LRP1: variants seen among roughly 807,000 people sequenced by gnomAD.
The protein encoded by LRP1 is LDL receptor related protein 1.
A neutral mutation model predicts 541.5 loss-of-function variants in LRP1; 51 were observed. That is an observed-to-expected ratio of 0.09 (90% CI 0.08 to 0.12). The LOEUF (loss-of-function observed/expected upper bound fraction) is 0.12. Among genes scored for constraint, LRP1 ranks in the 10% least tolerant of loss-of-function variants. The pLI is 1.00. For synonymous variants in LRP1, 2,219 were observed against 2,470.8 expected (o/e 0.90, Z 3.02); for missense variants, 3,878 against 6,376.2 (o/e 0.61, Z 13.34).
intron 32 of LRP1, 59 bp from the exon 33 acceptor site, chr12:57,180,608 C>T (rs2136705035): frequency 6.2e-7 from 1 of 1,610,622 alleles, no homozygotes; most frequent in East Asian, 2.2e-5. Context: ...CCAATGGGCC[C>T]TTCAGGAGAG....
rs868047685 is a variant in LRP1, at chr12:57,165,746, A to C, written c.2531-59A>C. On this transcript the variant is annotated intron_variant, in intron 15 of 88. Transcript: ENST00000243077. This position sits in a 1 kb window ranked among gnomAD's most constrained non-coding sequence, Gnocchi z 4.5. ...CAAACAAAAATGGTGCAAAGGGCTT[A>C]GTACTTGTCCCACGACCGGGGTCTG... The C allele has an allele frequency of 1.3e-6, 2 of 1,571,080 alleles. No homozygotes were observed. Among genetic ancestry groups the C allele is most frequent in the Middle Eastern group, 3.4e-4 (2 of 5,912 alleles).
intron 10 of LRP1, among the ~76,000 whole-genome samples, 173 bp downstream of exon 10, chr12:57,157,093 T>A (rs558760968): frequency 6.6e-6 from 1 of 152,174 alleles, no homozygotes; most frequent in African/African-American, 2.4e-5. Flanking sequence ...TCGAAAAAAG[T>A]GCTTTTCTCA....
At chr12:57,153,318 C>G (rs1247143856) in intron 6 of LRP1, among the ~76,000 whole-genome samples, 1 of 152,136 alleles carries the variant, frequency 6.6e-6, no homozygotes. Context: ...TTCCGGCCAC[C>G]CTTGCCCTGC....
rs1592666616 is a variant in LRP1 at position 57,210,459 on chromosome 12, A to C, written c.12733A>C (p.Thr4245Pro). 6.5e-7 allele frequency: 1 copy of C among 1,535,938 alleles called. No homozygotes were observed. Reference sequence around the variant, plus strand: ...CTGGGAGCACTGTCGCAATGGGGGCACCTGTGCTGCCTCCCCCTCTGGTAT... The same window carrying C: ...CTGGGAGCACTGTCGCAATGGGGGCCCCTGTGCTGCCTCCCCCTCTGGTAT... ...QCWEHCRNGG[T>P]CAASPSGMPT... Residue 4245 changes from threonine (T) to proline (P), a missense_variant, in exon 82 of 89, where the codon ACC becomes CCC. Transcript: ENST00000243077.
At chr12:57,186,408 C>T (rs563967442) in intron 41 of LRP1, among the ~76,000 whole-genome samples, 1 of 152,348 alleles carries the variant, frequency 6.6e-6, no homozygotes, top group Middle Eastern at 3.4e-3. Context: ...GACAGCCTTT[C>T]AGCTCTTTGA....
chr12:57,177,619 C>T lies in LRP1; in HGVS notation c.4361+28C>T, dbSNP rs2136700925. The T allele has an allele frequency of 6.2e-7, 1 of 1,611,698 alleles. No individual in the cohort carries two copies. Among genetic ancestry groups the T allele is most frequent in the African/African-American group, 1.3e-5 (1 of 75,018 alleles). On this transcript the variant is annotated intron_variant, in intron 26 of 88. Coordinates refer to ENST00000243077, the MANE Select transcript of LRP1 (RefSeq NM_002332.3). This position sits in a 1 kb window ranked among gnomAD's most constrained non-coding sequence, Gnocchi z 6.8. ...CAGCACCCTCTGTGCCCTGAGAAGG[C>T]CCAAGTCTGTGGCACCAGGACGGGG...
chr12:57,204,733 T>C lies in LRP1; in HGVS notation c.11178T>C (p.Thr3726=), dbSNP rs140584308. The part of the protein sequence containing the change: ...CDGTDNCGDG[T]DEEDCEPPTA... ...GCACGGACAACTGTGGGGATGGGACTGATGAAGAGGACTGTGGTGAGCAGG... is the reference window on the plus strand; with the variant it reads ...GCACGGACAACTGTGGGGATGGGACCGATGAAGAGGACTGTGGTGAGCAGG... Residue 3726 remains threonine (T), a synonymous_variant, in exon 72 of 89, where the codon ACT becomes ACC. Coordinates refer to ENST00000243077, the MANE Select transcript of LRP1 (RefSeq NM_002332.3). The surrounding 1 kb of genome is among the most constrained non-coding windows in gnomAD (Gnocchi z 5.3). The C allele has an allele frequency of 5.0e-6, 8 of 1,613,846 alleles. No individual in the cohort carries two copies. In the African/African-American group the frequency reaches 6.7e-5, roughly 13 times the overall value.
Position 57,211,169 on chromosome 12 carries a change from A to T in LRP1, c.12917-7A>T. 1 of 1,613,076 alleles carries T rather than the reference A, an allele frequency of 6.2e-7. No individual in the cohort carries two copies. Among genetic ancestry groups the T allele is most frequent in the Non-Finnish European group, 8.5e-7 (1 of 1,179,166 alleles). On this transcript the variant is annotated splice_polypyrimidine_tract_variant and splice_region_variant and intron_variant, in intron 83 of 88. Coordinates refer to ENST00000243077, the MANE Select transcript of LRP1 (RefSeq NM_002332.3). This position sits in a 1 kb window ranked among gnomAD's most constrained non-coding sequence, Gnocchi z 4.3. ...CTTGAGGCACTTCTCTCCCTCCCCAACCACAGGGCAGTGCTCTGGCTACTG... is the reference window on the plus strand; with the variant it reads ...CTTGAGGCACTTCTCTCCCTCCCCATCCACAGGGCAGTGCTCTGGCTACTG...
chr12:57,141,527 C>A lies in LRP1; in HGVS notation c.328+16C>A, dbSNP rs776486941. ...CACTGCCGAGGTAAGGACTTTTCCA[C>A]TCTCTACTCTCCCGTCTGGATGCAG... On this transcript the variant is annotated intron_variant, in intron 3 of 88. Transcript: ENST00000243077. 5.6e-6 allele frequency: 9 copies of A among 1,614,154 alleles called. No individual in the cohort carries two copies. In the South Asian group the frequency reaches 9.9e-5, roughly 18 times the overall value.
Position 57,165,544 on chromosome 12 carries a change from T to C in LRP1, c.2531-261T>C, listed in dbSNP as rs979803192. 7.0e-6 allele frequency: 3 copies of C among 428,770 alleles called. No individual in the cohort carries two copies. The highest frequency in any genetic ancestry group is 1.3e-5 in the Non-Finnish European group (3 of 235,216). 26.6% of individuals were successfully genotyped at this position (428,770 alleles called of 1,614,324 possible). A position where few individuals can be genotyped will look rare whatever the true frequency, so the allele number is the denominator to read the frequency against. On this transcript the variant is annotated intron_variant, in intron 15 of 88. Coordinates refer to ENST00000243077, the MANE Select transcript of LRP1 (RefSeq NM_002332.3). This position sits in a 1 kb window ranked among gnomAD's most constrained non-coding sequence, Gnocchi z 4.5. ...GGTGGTGACAGAGGTATAGAGGCCA[T>C]GGGCTCTCTTGGACACCATTTGATT...
At chr12:57,150,357 A>G (rs1416903679) in intron 6 of LRP1, among the ~76,000 whole-genome samples, 1 of 151,786 alleles carries the variant, frequency 6.6e-6, no homozygotes, top group Non-Finnish European at 1.5e-5. Context: ...ACGCCTGGCT[A>G]ATTTTTTGTG....
In LRP1 at chr12:57,178,266, CT is replaced by C. The variant is rs1338210146; in HGVS notation, c.4362-92del. ...GGTCCCATGCTCTTCGCTGGGAGGG[CT>C]GTGGCCAGGGCCCAGAGGGTGGGCA... is the stretch of plus-strand genomic sequence containing the variant. On this transcript the variant is annotated intron_variant, in intron 26 of 88. Transcript: ENST00000243077. The surrounding 1 kb of genome is among the most constrained non-coding windows in gnomAD (Gnocchi z 5.8). The C allele has an allele frequency of 1.1e-5, 16 of 1,456,380 alleles. No individual in the cohort carries two copies. The highest frequency in any genetic ancestry group is 1.4e-5 in the Non-Finnish European group (15 of 1,066,720). 90.2% of individuals were successfully genotyped at this position (1,456,380 alleles called of 1,614,324 possible). A position where few individuals can be genotyped will look rare whatever the true frequency, so the allele number is the denominator to read the frequency against.
At position 57,184,368 on chromosome 12, in the gene LRP1, G is replaced by A; in HGVS notation, c.6102G>A (p.Glu2034=). The A allele has an allele frequency of 6.2e-7, 1 of 1,614,238 alleles. No homozygotes were observed. The highest frequency in any genetic ancestry group is 8.5e-7 in the Non-Finnish European group (1 of 1,180,050). ...AGTGGGGTCAGTATCCGCGTATTGA[G>A]CGGTCTCGGCTAGATGGCACGGAGC... ...WTEWGQYPRI[E]RSRLDGTERV... The change falls in exon 38 of 89, where the codon GAG becomes GAA. Residue 2034 remains glutamate, a synonymous_variant. Coordinates refer to ENST00000243077, the MANE Select transcript of LRP1 (RefSeq NM_002332.3). This position sits in a 1 kb window ranked among gnomAD's most constrained non-coding sequence, Gnocchi z 7.8.
chr12:57,149,065 C>T, intron 6 of LRP1: 1 of 588,938 alleles, frequency 1.7e-6, no homozygotes, highest in South Asian at 2.2e-5. Flanking sequence ...AGCAGTCCCT[C>T]TGAGTCTAAT....
chr12:57,208,164 A>G lies in LRP1; in HGVS notation c.11986A>G (p.Ile3996Val). ...GAAGGGCGAGAACCGCAAGACGCTCATCTCGGGCATGATTGACGAGCCCCA... is the reference window on the plus strand; with the variant it reads ...GAAGGGCGAGAACCGCAAGACGCTCGTCTCGGGCATGATTGACGAGCCCCA... The part of the protein sequence containing the change: ...QMKGENRKTL[I>V]SGMIDEPHAI... Residue 3996 changes from isoleucine to valine, a missense_variant, in exon 77 of 89, where the codon ATC becomes GTC. This residue lies in a region of LRP1 where 871 missense variants were observed against 1,212.4 expected (regional missense o/e 0.72). Transcript: ENST00000243077. 1 of 1,614,108 alleles carries G rather than the reference A, an allele frequency of 6.2e-7. No homozygotes were observed. The highest frequency in any genetic ancestry group is 8.5e-7 in the Non-Finnish European group (1 of 1,180,008).
chr12:57,139,765 C>T (rs557357913), intron 2 of LRP1, among the ~76,000 whole-genome samples: 15 of 152,310 alleles, frequency 9.8e-5, no homozygotes, highest in Non-Finnish European at 1.5e-4. Context: ...TGCAGAAACA[C>T]ACTCTATACT....
rs368660290 is a variant in LRP1, at chr12:57,193,558, A to G, written c.7685-8A>G. On this transcript the variant is annotated splice_polypyrimidine_tract_variant and splice_region_variant and intron_variant, in intron 46 of 88. Coordinates refer to ENST00000243077, the MANE Select transcript of LRP1 (RefSeq NM_002332.3). ...TGGCTGACACGCAGCCTACTCCTCC[A>G]TTTGCAGACTCCCGCCGCTGCAAGA... The G allele has an allele frequency of 7.4e-6, 12 of 1,612,936 alleles. No homozygotes were observed. The Admixed American group carries it at 8.3e-5, about 11-fold the overall frequency.
At chr12:57,163,333 C>G (rs989367177) in intron 15 of LRP1, among the ~76,000 whole-genome samples, 5 of 152,162 alleles carry the variant, frequency 3.3e-5, no homozygotes, top group African/African-American at 1.2e-4. Flanking sequence ...TTGGAAATTA[C>G]TTTGGGAGGC....
chr12:57,207,198 G>A (rs1280119779), intron 76 of LRP1, among the ~76,000 whole-genome samples: 7 of 150,646 alleles, frequency 4.6e-5, no homozygotes, highest in African/African-American at 1.7e-4. Flanking sequence ...AGCCGAGATC[G>A]CGCCACTGCA....
Sources: gnomAD v4.1 joint callset for allele counts (sites outside exome capture counted in the v4.1 genomes callset) on GRCh38, gnomAD v4.1.1 for gene constraint, gnomAD v4.1.1 regional missense constraint, Gnocchi (gnomAD v3.1) non-coding constraint, MANE v1.5 for transcripts, NCBI Gene and HGNC (gene_info 2026-07-23, HGNC 2026-07-21) for gene names.